The following PTPRG variants were observed in gnomAD, a reference collection of about 807,000 sequenced individuals.
The protein encoded by PTPRG is receptor-type tyrosine-protein phosphatase gamma.
In PTPRG, 102 loss-of-function variants were observed where a neutral mutation model predicts 165.3. The observed-to-expected ratio is 0.62, with a 90% CI of 0.53 to 0.73. PTPRG has a LOEUF of 0.73. PTPRG is among the 30% of genes least tolerant of loss of function. The pLI is 0.00. For synonymous variants in PTPRG, 675 were observed against 669.5 expected (o/e 1.01, Z -0.13); for missense variants, 1,866 against 1,861.4 (o/e 1.00, Z -0.05).
intron 1 of PTPRG, among the ~76,000 whole-genome samples, chr3:61,716,207 G>A (rs778060426): frequency 3.9e-5 from 6 of 152,110 alleles, no homozygotes; most frequent in Non-Finnish European, 8.8e-5. Flanking sequence ...TTCCTCTAAC[G>A]TCATCTTGAA....
intron 4 of PTPRG, among the ~76,000 whole-genome samples, chr3:62,051,472 A>G (rs1575939451): frequency 6.6e-6 from 1 of 152,312 alleles, no homozygotes; most frequent in East Asian, 1.9e-4. Context: ...AGCCATTTGC[A>G]GCTTATTTCT....
At position 62,203,223 on chromosome 3, in the gene PTPRG, G is replaced by T. The variant is rs749430943; in HGVS notation, c.1428G>T (p.Gly476=). 1.2e-6 allele frequency: 2 copies of T among 1,612,740 alleles called. No individual in the cohort carries two copies. The highest frequency in any genetic ancestry group is 2.2e-5 in the East Asian group (1 of 44,814). The change falls in exon 12 of 30, where the codon GGG becomes GGT. Residue 476 remains glycine, a synonymous_variant. Coordinates refer to ENST00000474889, the MANE Select transcript of PTPRG (RefSeq NM_002841.4). This position sits in a 1 kb window ranked among gnomAD's most constrained non-coding sequence, Gnocchi z 6.4. Reference sequence around the variant, plus strand: ...CCGACATGGCCCCCATCAGCTCGGGGTCTTCTACCTGGACGTCCTCTGGCA... The same window carrying T: ...CCGACATGGCCCCCATCAGCTCGGGTTCTTCTACCTGGACGTCCTCTGGCA... ...SSADMAPISS[G]SSTWTSSGIP...
intron 17 of PTPRG, among the ~76,000 whole-genome samples, chr3:62,265,578 A>T (rs1008792964): frequency 6.6e-6 from 1 of 152,168 alleles, no homozygotes; most frequent in Non-Finnish European, 1.5e-5. Flanking sequence ...AAAATGTTAC[A>T]AAAACTCCAA....
Position 62,219,019 on chromosome 3 carries a change from G to A in PTPRG, c.2288+36G>A, listed in dbSNP as rs935110971. On this transcript the variant is annotated intron_variant, in intron 13 of 29. Coordinates refer to ENST00000474889, the MANE Select transcript of PTPRG (RefSeq NM_002841.4). The surrounding 1 kb of genome is among the most constrained non-coding windows in gnomAD (Gnocchi z 4.5). ...CAGCACCTACAGCGTAGATTTGGGG[G>A]CCAGATGCTGGCCAGGTTTTGCTCA... The A allele has an allele frequency of 6.2e-7, 1 of 1,608,274 alleles. No homozygotes were observed. The highest frequency in any genetic ancestry group is 1.1e-5 in the South Asian group (1 of 89,868).
At chr3:61,859,751 C>G (rs941659420) in intron 2 of PTPRG, among the ~76,000 whole-genome samples, 7 of 152,060 alleles carry the variant, frequency 4.6e-5, no homozygotes, top group South Asian at 2.1e-4. Flanking sequence ...GAGACTCTTT[C>G]AAAATTACCT....
At position 62,219,065 on chromosome 3, in the gene PTPRG, C is replaced by T. The variant is rs1700586524; in HGVS notation, c.2288+82C>T. 2 of 1,531,010 alleles carry T rather than the reference C, an allele frequency of 1.3e-6. No homozygotes were observed. The highest frequency in any genetic ancestry group is 3.8e-5 in the Admixed American group (2 of 52,476). 94.8% of individuals were successfully genotyped at this position (1,531,010 alleles called of 1,614,324 possible). A position where few individuals can be genotyped will look rare whatever the true frequency, so the allele number is the denominator to read the frequency against. ...GCTCACGGGAGGGGAATCCCACGGC[C>T]TCTGCATTCAGGAAGGTGAGGTAGC... On this transcript the variant is annotated intron_variant, in intron 13 of 29. Transcript: ENST00000474889. This position sits in a 1 kb window ranked among gnomAD's most constrained non-coding sequence, Gnocchi z 4.5.
At chr3:61,994,527 G>A (rs1243591604) in intron 3 of PTPRG, among the ~76,000 whole-genome samples, 1 of 152,102 alleles carries the variant, frequency 6.6e-6, no homozygotes, top group Non-Finnish European at 1.5e-5. Flanking sequence ...ATTCACACAA[G>A]AATCAACGGG....
chr3:61,603,071 G>A (rs1320626951), intron 1 of PTPRG, among the ~76,000 whole-genome samples: 1 of 152,184 alleles, frequency 6.6e-6, no homozygotes, highest in East Asian at 1.9e-4. Context: ...GCTTTGAAAT[G>A]GGTCATCATG....
intron 1 of PTPRG, among the ~76,000 whole-genome samples, chr3:61,583,035 A>T (rs375633930): frequency 1.3e-5 from 2 of 152,260 alleles, no homozygotes; most frequent in Non-Finnish European, 1.5e-5. Context: ...GAACAGAGGC[A>T]ATAATGAGCA....
chr3:62,103,300 A>AGTCC (rs1702357166), intron 5 of PTPRG, among the ~76,000 whole-genome samples: 1 of 116,808 alleles, frequency 8.6e-6, no homozygotes, highest in African/African-American at 3.6e-5. Flanking sequence ...GTCTTAATAA[A>AGTCC]ATATTGAAGG....
chr3:62,163,677 A>C (rs903992027), intron 7 of PTPRG, among the ~76,000 whole-genome samples: 11 of 152,208 alleles, frequency 7.2e-5, no homozygotes, highest in African/African-American at 2.7e-4. Context: ...TTCCTCATGA[A>C]ATAATAATGA....
intron 6 of PTPRG, among the ~76,000 whole-genome samples, chr3:62,142,570 C>G (rs900980899): frequency 6.6e-6 from 1 of 152,166 alleles, no homozygotes; most frequent in South Asian, 2.1e-4. Context: ...CTCTGGGACA[C>G]ATCAAGTTCC....
At chr3:61,773,059 T>C (rs1325562276) in intron 2 of PTPRG, among the ~76,000 whole-genome samples, 1 of 152,224 alleles carries the variant, frequency 6.6e-6, no homozygotes, top group Admixed American at 6.5e-5. Flanking sequence ...ACATTAGATG[T>C]TGGTTTGCTG....
chr3:62,212,285 C>T (rs1354939270), intron 12 of PTPRG, among the ~76,000 whole-genome samples: 3 of 152,116 alleles, frequency 2.0e-5, no homozygotes, highest in East Asian at 1.9e-4. Flanking sequence ...TACTCCTTTC[C>T]TCATTGTCAT....
Position 62,267,670 on chromosome 3 carries a change from TGTGTC to T in PTPRG, c.2740-14_2740-10del. On this transcript the variant is annotated splice_polypyrimidine_tract_variant and intron_variant, in intron 18 of 29. Transcript: ENST00000474889. The stretch of plus-strand genomic sequence containing the variant: ...TAACTGCTTTCATCTCACTTTGTGC[TGTGTC>T]ATTTTGAAGGGTTACAACAAAGCAA... 5 of 1,607,888 alleles carry T rather than the reference TGTGTC, an allele frequency of 3.1e-6. No individual in the cohort carries two copies. The highest frequency in any genetic ancestry group is 4.2e-6 in the Non-Finnish European group (5 of 1,177,808).
At chr3:62,087,887 C>G (rs17065970) in intron 5 of PTPRG, among the ~76,000 whole-genome samples, 4,737 of 152,244 alleles carry the variant, frequency 0.031, 178 homozygotes, top group East Asian at 0.19. Flanking sequence ...TAGTTACAAT[C>G]TTCGATCCTA....
At chr3:61,833,540 T>C (rs2036369167) in intron 2 of PTPRG, among the ~76,000 whole-genome samples, 1 of 152,114 alleles carries the variant, frequency 6.6e-6, no homozygotes, top group South Asian at 2.1e-4. Flanking sequence ...GCTTTCCTCA[T>C]TCCGGCAAAG....
chr3:61,601,052 C>T (rs1700852556), intron 1 of PTPRG, among the ~76,000 whole-genome samples: 2 of 152,098 alleles, frequency 1.3e-5, no homozygotes, highest in African/African-American at 2.4e-5. Flanking sequence ...GTCGGGAGTT[C>T]GAGACCAGCC....
chr3:61,768,768 G>T (rs991919926), intron 2 of PTPRG, among the ~76,000 whole-genome samples: 1 of 151,974 alleles, frequency 6.6e-6, no homozygotes, highest in Non-Finnish European at 1.5e-5. Flanking sequence ...TAGTTGTGTG[G>T]GGGAGGGTGT....
Sources: allele counts gnomAD v4.1 joint callset (sites outside exome capture counted in the v4.1 genomes callset), GRCh38; gene constraint gnomAD v4.1.1; non-coding constraint Gnocchi (gnomAD v3.1); transcripts MANE v1.5; gene names NCBI Gene and HGNC (gene_info 2026-07-23, HGNC 2026-07-21).